Variants in ARHGAP10 observed in about 807,000 individuals in gnomAD.
ARHGAP10 encodes the protein rho GTPase-activating protein 10.
In ARHGAP10, 87 loss-of-function variants were observed where a neutral mutation model predicts 108.6. The observed-to-expected ratio is 0.80, with a 90% CI of 0.67 to 0.96. The LOEUF is 0.96. Ranked by LOEUF, ARHGAP10 falls within the 40% of genes least tolerant of loss-of-function variation. ARHGAP10 has a pLI of 0.00. For synonymous variants in ARHGAP10, 347 were observed against 341.1 expected, an observed-to-expected ratio of 1.02 and a Z score of -0.19; for missense variants, 939 against 954.5, an observed-to-expected ratio of 0.98 and a Z score of 0.21.
intron 19 of ARHGAP10, among the ~76,000 whole-genome samples, chr4:148,032,197 C>A (rs1578808541): frequency 1.3e-5 from 2 of 152,068 alleles, no homozygotes; most frequent in South Asian, 4.2e-4. Context: ...GTGGAAAGAT[C>A]TATTCCATCC....
At chr4:147,771,060 AC>A (rs1579023625) in intron 1 of ARHGAP10, among the ~76,000 whole-genome samples, 1 of 151,934 alleles carries the variant, frequency 6.6e-6, no homozygotes, top group East Asian at 1.9e-4. Flanking sequence ...TAACTTAATT[AC>A]CTCCTTAAAG....
At chr4:148,016,651 C>T (rs1741357798) in intron 18 of ARHGAP10, among the ~76,000 whole-genome samples, 1 of 152,148 alleles carries the variant, frequency 6.6e-6, no homozygotes, top group Non-Finnish European at 1.5e-5. Context: ...GCAGCAAGCA[C>T]CAGCTAGGTG....
chr4:148,005,042 G>T (rs979000267), intron 18 of ARHGAP10, among the ~76,000 whole-genome samples: 1 of 152,300 alleles, frequency 6.6e-6, no homozygotes, highest in East Asian at 1.9e-4. Context: ...TTTAAAAAAA[G>T]AATCTCATGC....
At chr4:147,858,145 C>T (rs760160090) in intron 5 of ARHGAP10, 1 of 152,132 alleles carries the variant, frequency 6.6e-6, no homozygotes, top group South Asian at 2.1e-4. Flanking sequence ...ATTTTGGAGG[C>T]AGCCATATGT....
chr4:147,890,558 G>C (rs935545249), intron 10 of ARHGAP10, among the ~76,000 whole-genome samples: 3 of 152,238 alleles, frequency 2.0e-5, no homozygotes, highest in African/African-American at 7.2e-5. Flanking sequence ...TGGGTGCAGT[G>C]GCCCATGCCT....
rs549355620 is a variant in ARHGAP10, at chr4:147,877,819, C to CTTTTTTTTTTTTTTTTTT, written c.833-1398_833-1397insTTTTTTTTTTTTTTTTTT. Among the ~76,000 whole-genome samples the CTTTTTTTTTTTTTTTTTT allele has an allele frequency of 1.4e-3, 190 of 131,368 alleles. 8 individuals carry two copies. The highest frequency in any genetic ancestry group is 5.9e-3 in the African/African-American group (186 of 31,716). The allele number at this position is 131,368 out of a possible 152,430, so 86.2% of individuals were successfully genotyped here. ...AGTCTTAGATTTCTTATTCTTCATACTTTTTTTTTTTTTTTGCTGAGATTA... is the reference window on the plus strand; with the variant it reads ...AGTCTTAGATTTCTTATTCTTCATACTTTTTTTTTTTTTTTTTTTTTTTTTTTTTTTTTGCTGAGATTA... On this transcript the variant is annotated intron_variant, in intron 8 of 22. Coordinates refer to ENST00000336498, the MANE Select transcript of ARHGAP10 (RefSeq NM_024605.4).
intron 16 of ARHGAP10, among the ~76,000 whole-genome samples, chr4:147,959,032 A>T (rs1738890065): frequency 1.3e-5 from 2 of 151,978 alleles, no homozygotes; most frequent in African/African-American, 4.8e-5. Context: ...TAGGCTGTTC[A>T]TTCTTTGTCA....
Position 147,857,763 on chromosome 4 carries a change from TAAC to T in ARHGAP10, c.486+112_486+114del, listed in dbSNP as rs1006777647. 4.2e-6 allele frequency: 4 copies of T among 961,580 alleles called. No individual in the cohort carries two copies. The African/African-American group carries it at 6.8e-5, about 16-fold the overall frequency. The allele number at this position is 961,580 out of a possible 1,614,324, so 59.6% of individuals were successfully genotyped here. A position where few individuals can be genotyped will look rare whatever the true frequency, so the allele number is the denominator to read the frequency against. ...CTTTTCATCTGGCATTATATAGAGA[TAAC>T]AAAAAGTGAACAGGTATTGTCATAA... On this transcript the variant is annotated intron_variant, in intron 5 of 22. Coordinates refer to ENST00000336498, the MANE Select transcript of ARHGAP10 (RefSeq NM_024605.4).
chr4:147,869,775 G>A (rs555346994), intron 7 of ARHGAP10, among the ~76,000 whole-genome samples: 3 of 151,630 alleles, frequency 2.0e-5, no homozygotes, highest in African/African-American at 2.4e-5. Flanking sequence ...TCTAGGTGGC[G>A]TCTTTGTTCT....
At chr4:147,741,798 A>ACG (rs1553944889) in intron 1 of ARHGAP10, among the ~76,000 whole-genome samples, 4 of 57,778 alleles carry the variant, frequency 6.9e-5, no homozygotes, top group South Asian at 6.9e-4. Context: ...ACACGCACAC[A>ACG]CACACACACA....
At chr4:148,059,978 G>GAA (rs1368239685) in intron 20 of ARHGAP10, among the ~76,000 whole-genome samples, 2 of 142,836 alleles carry the variant, frequency 1.4e-5, no homozygotes, top group Non-Finnish European at 3.0e-5. Flanking sequence ...CTCTTTGAGA[G>GAA]AGAGAGAGAG....
intron 4 of ARHGAP10, among the ~76,000 whole-genome samples, chr4:147,848,083 G>A (rs1207658402): frequency 9.0e-6 from 1 of 110,506 alleles, no homozygotes; most frequent in East Asian, 2.8e-4. Flanking sequence ...ACGTGGCTGG[G>A]GATGTGAGTT....
At chr4:147,848,381 G>A (rs565616051) in intron 4 of ARHGAP10, among the ~76,000 whole-genome samples, 2 of 152,256 alleles carry the variant, frequency 1.3e-5, no homozygotes, top group African/African-American at 2.4e-5. Context: ...ATAGTTTGCC[G>A]TGCTGCAGGC....
At chr4:147,983,166 G>C (rs1053479897) in intron 18 of ARHGAP10, among the ~76,000 whole-genome samples, 2 of 148,126 alleles carry the variant, frequency 1.4e-5, no homozygotes, top group African/African-American at 2.5e-5. Context: ...ACAGGCATGA[G>C]CCATGGTGCC....
intron 15 of ARHGAP10, among the ~76,000 whole-genome samples, chr4:147,953,089 T>C (rs1250123966): frequency 6.6e-6 from 1 of 151,976 alleles, no homozygotes; most frequent in Non-Finnish European, 1.5e-5. Flanking sequence ...TTTTTAGATA[T>C]TATGCTAGTA....
At chr4:147,779,463 A>G (rs997001574) in intron 1 of ARHGAP10, among the ~76,000 whole-genome samples, 6 of 151,856 alleles carry the variant, frequency 4.0e-5, no homozygotes, top group African/African-American at 1.5e-4. Flanking sequence ...GTAGATGGGG[A>G]AGGGTCCTGA....
intron 18 of ARHGAP10, among the ~76,000 whole-genome samples, chr4:147,997,053 A>C (rs1284346404): frequency 6.6e-6 from 1 of 152,248 alleles, no homozygotes; most frequent in Non-Finnish European, 1.5e-5. Flanking sequence ...GTGACAGAAC[A>C]CTGAGCAGGC....
chr4:148,059,559 A>G (rs745788039), intron 20 of ARHGAP10, among the ~76,000 whole-genome samples: 1 of 152,132 alleles, frequency 6.6e-6, no homozygotes. Flanking sequence ...GCTTTTAATT[A>G]TTATTTCACT....
intron 18 of ARHGAP10, among the ~76,000 whole-genome samples, chr4:147,967,388 A>C (rs1348140961): frequency 6.6e-6 from 1 of 152,228 alleles, no homozygotes; most frequent in East Asian, 1.9e-4. Context: ...GTTGTGAATG[A>C]CAAGTAAAGG....
Sources: allele counts gnomAD v4.1 joint callset (sites outside exome capture counted in the v4.1 genomes callset), GRCh38; gene constraint gnomAD v4.1.1; transcripts MANE v1.5; gene names NCBI Gene and HGNC (gene_info 2026-07-23, HGNC 2026-07-21).